The following ANKAR variants were observed in gnomAD, a reference collection of about 807,000 sequenced individuals.
The protein encoded by ANKAR is ankyrin and armadillo repeat-containing protein.
A neutral mutation model predicts 146.2 loss-of-function variants in ANKAR; 136 were observed. The observed-to-expected ratio is 0.93, with a 90% CI of 0.81 to 1.07. The LOEUF (loss-of-function observed/expected upper bound fraction) is 1.07. Ranked by LOEUF, ANKAR falls within the 50% of genes least tolerant of loss-of-function variation. The pLI is 0.00. For missense variants in ANKAR, 1,567 were observed against 1,679.9 expected, an observed-to-expected ratio of 0.93 and a Z score of 1.18; for synonymous variants, 500 against 575.8, an observed-to-expected ratio of 0.87 and a Z score of 1.88.
chr2:189,689,246 A>G (rs546616948), intron 2 of ANKAR, among the ~76,000 whole-genome samples: 187 of 152,250 alleles, frequency 1.2e-3, no homozygotes, highest in African/African-American at 4.3e-3. Context: ...CTAAACCACA[A>G]AAGGAAAGGG....
At chr2:189,744,947 CAGG>C (rs1279588068) in intron 22 of ANKAR, among the ~76,000 whole-genome samples, 159 bp downstream of exon 22, 1 of 147,486 alleles carries the variant, frequency 6.8e-6, no homozygotes, top group Non-Finnish European at 1.5e-5. Context: ...CACTTGAGGT[CAGG>C]AGTTCAACAT....
intron 18 of ANKAR, chr2:189,755,110 A>G (rs1559168589): frequency 1.3e-6 from 2 of 1,532,484 alleles, no homozygotes; most frequent in Non-Finnish European, 1.8e-6. Flanking sequence ...TAGCACATCT[A>G]TTGCTACTTA....
chr2:189,744,224 G>T (rs970718490), intron 21 of ANKAR, among the ~76,000 whole-genome samples: 1 of 152,148 alleles, frequency 6.6e-6, no homozygotes, highest in Non-Finnish European at 1.5e-5. Flanking sequence ...AGAATGATGA[G>T]TACATCTTTG....
intron 20 of ANKAR, among the ~76,000 whole-genome samples, chr2:189,742,747 G>T (rs953916931): frequency 6.6e-6 from 1 of 151,792 alleles, no homozygotes; most frequent in Non-Finnish European, 1.5e-5. Context: ...AAAGTTATAT[G>T]GGTGATGCTA....
chr2:189,746,880 G>C, downstream of ANKAR: 1 of 300,520 alleles, frequency 3.3e-6, no homozygotes, highest in Non-Finnish European at 6.1e-6. Flanking sequence ...TGACATGAGT[G>C]GTATAACTAG....
chr2:189,745,018 CTACTACTACTAA>C (rs1384930193), intron 22 of ANKAR, among the ~76,000 whole-genome samples: 3 of 53,826 alleles, frequency 5.6e-5, no homozygotes, highest in African/African-American at 1.2e-4. Context: ...ACTACTACTA[CTACTACTACTAA>C]TAATACAAAA....
intron 7 of ANKAR, among the ~76,000 whole-genome samples, chr2:189,698,982 T>C (rs192437397): frequency 3.3e-5 from 5 of 152,340 alleles, no homozygotes; most frequent in East Asian, 3.9e-4. Context: ...GTATCACTTA[T>C]GGCTACCTTA....
chr2:189,694,263 T>C (rs371057235), intron 5 of ANKAR, among the ~76,000 whole-genome samples: 2 of 152,088 alleles, frequency 1.3e-5, no homozygotes, highest in East Asian at 3.9e-4. Context: ...CAGCAATAAA[T>C]AGTTGCATTT....
At position 189,719,619 on chromosome 2, in the gene ANKAR, C is replaced by T. The variant is rs765272719; in HGVS notation, c.2272C>T (p.Leu758=). The T allele has an allele frequency of 6.2e-7, 1 of 1,613,388 alleles. No individual in the cohort carries two copies. Among genetic ancestry groups the T allele is most frequent in the Admixed American group, 1.7e-5 (1 of 60,008 alleles). ...INLLKSSKIK[L]QCKTVGLLSN... ...TCTATTAAAAAGTTCCAAAATAAAA[C>T]TGCAGTGCAAAACTGTTGGGTTATT... is the stretch of plus-strand genomic sequence containing the variant. The change falls in exon 11 of 23, where the codon CTG becomes TTG. Residue 758 remains leucine, a synonymous_variant. Transcript: ENST00000684021.
intron 1 of ANKAR, among the ~76,000 whole-genome samples, chr2:189,675,191 A>G (rs970469416): frequency 1.5e-4 from 2 of 13,698 alleles, no homozygotes; most frequent in African/African-American, 2.6e-4. Flanking sequence ...TGATTTTGAT[A>G]CAAGCTAAAT....
rs756069708 is a variant in ANKAR at position 189,676,754 on chromosome 2, C to T, written c.264C>T (p.Pro88=). The T allele has an allele frequency of 1.1e-5, 18 of 1,614,106 alleles. No individual in the cohort carries two copies. Among genetic ancestry groups the T allele is most frequent in the East Asian group, 4.5e-5 (2 of 44,888 alleles). Residue 88 remains proline (P), a synonymous_variant, in exon 2 of 23, where the codon CCC becomes CCT. Transcript: ENST00000684021. The part of the protein sequence containing the change: ...VGFSTAILLT[P]VDPTALLDYR... The stretch of plus-strand genomic sequence containing the variant: ...TCTCCACTGCAATCCTACTGACTCC[C>T]GTGGACCCTACTGCCCTCTTAGACT...
intron 11 of ANKAR, among the ~76,000 whole-genome samples, chr2:189,720,150 C>G (rs2041065541): frequency 2.0e-5 from 3 of 152,338 alleles, no homozygotes; most frequent in African/African-American, 7.2e-5. Context: ...GCTATATTAA[C>G]TGTCACATAA....
At chr2:189,761,573 A>G (rs969784723), downstream of ANKAR, 2 of 1,610,708 alleles carry the variant, frequency 1.2e-6, no homozygotes, top group East Asian at 2.2e-5. Flanking sequence ...AAAACTTCTT[A>G]AAAATTCATA....
chr2:189,706,841 G>T, intron 8 of ANKAR, 97 bp from the exon 9 acceptor site: 1 of 819,326 alleles, frequency 1.2e-6, no homozygotes, highest in South Asian at 2.1e-5. Flanking sequence ...AGGTGGTGGT[G>T]TAAGTCAGAC....
chr2:189,692,005 GC>G (rs1314491418), intron 3 of ANKAR, among the ~76,000 whole-genome samples: 1 of 151,876 alleles, frequency 6.6e-6, no homozygotes, highest in African/African-American at 2.4e-5. Flanking sequence ...CAAGCGATCC[GC>G]CCCCCTCAGC....
rs1225100 is a variant in ANKAR at position 189,738,802 on chromosome 2, A to T, written c.3700+120A>T. The T allele has an allele frequency of 6.2e-3, 3,703 of 600,038 alleles. 121 individuals are homozygous for T. In the African/African-American group the frequency reaches 0.064, roughly 10 times the overall value. The allele number at this position is 600,038 out of a possible 1,614,324, so 37.2% of individuals were successfully genotyped here. A position where few individuals can be genotyped will look rare whatever the true frequency, so the allele number is the denominator to read the frequency against. The stretch of plus-strand genomic sequence containing the variant: ...ACACTGCCACAAGTTTAAAGAACGA[A>T]CTTATGTTTATATCTACATGGAACT... On this transcript the variant is annotated intron_variant, in intron 19 of 22. Transcript: ENST00000684021.
Position 189,692,803 on chromosome 2 carries a change from G to A in ANKAR, c.1204-271G>A, listed in dbSNP as rs940184824. 9 of 257,036 alleles carry A rather than the reference G, an allele frequency of 3.5e-5. No homozygotes were observed. The East Asian group carries it at 6.6e-4, about 19-fold the overall frequency. The allele number at this position is 257,036 out of a possible 1,614,324, so 15.9% of individuals were successfully genotyped here. A position where few individuals can be genotyped will look rare whatever the true frequency, so the allele number is the denominator to read the frequency against. On this transcript the variant is annotated intron_variant, in intron 4 of 22. Coordinates refer to ENST00000684021, the MANE Select transcript of ANKAR (RefSeq NM_001378068.1). ...AGAACAGAGATCCTTTAAAATTTTG[G>A]AACAGTAATTCTTCACCTGGAATTT...
chr2:189,740,631 T>C lies in ANKAR; in HGVS notation c.3701-711T>C, dbSNP rs150853124. Among the ~76,000 whole-genome samples, 16 of 152,298 alleles carry C rather than the reference T, an allele frequency of 1.1e-4. No homozygotes were observed. The East Asian group carries it at 2.7e-3, about 26-fold the overall frequency. ...TTTTTAAACCTCAATAAGCAATACA[T>C]TGATTGATTTTAAAGTATTAATAAG... On this transcript the variant is annotated intron_variant, in intron 19 of 22. Transcript: ENST00000684021.
intron 2 of ANKAR, among the ~76,000 whole-genome samples, chr2:189,681,277 G>T (rs1009072743): frequency 6.6e-6 from 1 of 152,186 alleles, no homozygotes; most frequent in Non-Finnish European, 1.5e-5. Flanking sequence ...TCCAGTTAGA[G>T]CACCAGTAGA....
Sources: allele counts gnomAD v4.1 joint callset (sites outside exome capture counted in the v4.1 genomes callset), GRCh38; gene constraint gnomAD v4.1.1; transcripts MANE v1.5; gene names NCBI Gene and HGNC (gene_info 2026-07-23, HGNC 2026-07-21).